The following CCDC63 variants were observed in gnomAD, a reference collection of about 807,000 sequenced individuals.
CCDC63 encodes coiled-coil domain-containing protein 63.
In CCDC63, 54 loss-of-function variants were observed where a neutral mutation model predicts 63.6. That is an observed-to-expected ratio of 0.85 (90% CI 0.68 to 1.07). CCDC63 has a LOEUF of 1.07. Among genes scored for constraint, CCDC63 ranks in the 50% least tolerant of loss-of-function variants. CCDC63 has a pLI of 0.00. For missense variants in CCDC63, 637 were observed against 689.6 expected, an observed-to-expected ratio of 0.92 and a Z score of 0.86; for synonymous variants, 253 against 266.1, an observed-to-expected ratio of 0.95 and a Z score of 0.48.
intron 4 of CCDC63, among the ~76,000 whole-genome samples, chr12:110,870,275 T>C (rs531884105): frequency 2.2e-4 from 34 of 152,188 alleles, no homozygotes; most frequent in South Asian, 8.3e-4. Context: ...AGAGACGGGG[T>C]TTCACCATGT....
chr12:110,863,263 C>CCT (rs2070886793), intron 4 of CCDC63, among the ~76,000 whole-genome samples: 1 of 149,130 alleles, frequency 6.7e-6, no homozygotes, highest in Non-Finnish European at 1.5e-5. Context: ...GTGACACACA[C>CCT]GTGTGTGTGT....
chr12:110,863,275 T>G (rs1350678734), intron 4 of CCDC63, among the ~76,000 whole-genome samples: 1 of 151,596 alleles, frequency 6.6e-6, no homozygotes. Flanking sequence ...TGTGTGTGTG[T>G]GTGTGTGTGT....
intron 11 of CCDC63, among the ~76,000 whole-genome samples, chr12:110,905,985 ATAT>A (rs1188680052): frequency 1.9e-5 from 1 of 51,352 alleles, no homozygotes; most frequent in South Asian, 4.9e-4. Flanking sequence ...AATATATATT[ATAT>A]TATTATAATA....
chr12:110,892,724 G>A (rs2136724335), intron 8 of CCDC63, among the ~76,000 whole-genome samples: 1 of 152,146 alleles, frequency 6.6e-6, no homozygotes, highest in Non-Finnish European at 1.5e-5. Flanking sequence ...GCTGGGGCAG[G>A]AGAATCGCTT....
intron 5 of CCDC63, among the ~76,000 whole-genome samples, chr12:110,879,506 A>AT (rs1008571045): frequency 9.9e-5 from 15 of 151,442 alleles, no homozygotes; most frequent in Admixed American, 5.9e-4. Flanking sequence ...GCCCCACCCA[A>AT]TTTTTTTTTC....
chr12:110,881,155 CAGA>C lies in CCDC63; in HGVS notation c.718_720del (p.Lys240del), dbSNP rs765665439. 3.7e-6 allele frequency: 6 copies of C among 1,612,372 alleles called. No homozygotes were observed. Among genetic ancestry groups the C allele is most frequent in the Non-Finnish European group, 5.1e-6 (6 of 1,179,684 alleles). On this transcript the variant is annotated inframe_deletion, in exon 7 of 12. Coordinates refer to ENST00000308208, the MANE Select transcript of CCDC63 (RefSeq NM_152591.3). ...TCGAATGGCTGCCATGAAAGACCGC[CAGA>C]AGAAGGACACCTCTCAGTACAACCT...
intron 10 of CCDC63, among the ~76,000 whole-genome samples, chr12:110,900,047 C>G (rs1190886916): frequency 6.6e-6 from 1 of 151,960 alleles, no homozygotes; most frequent in Non-Finnish European, 1.5e-5. Flanking sequence ...AACCCTGTCT[C>G]TACTAAAAAT....
At chr12:110,853,002 T>C in intron 2 of CCDC63, 39 bp downstream of exon 2, 1 of 1,606,020 alleles carries the variant, frequency 6.2e-7, no homozygotes, top group Non-Finnish European at 8.5e-7. Context: ...GCACCTACTA[T>C]GGGGTCAGGC....
chr12:110,890,450 T>G (rs184853225), intron 8 of CCDC63, among the ~76,000 whole-genome samples: 5 of 152,330 alleles, frequency 3.3e-5, no homozygotes, highest in African/African-American at 1.2e-4. Flanking sequence ...TATTTGTTCT[T>G]TGTAGAATTT....
intron 4 of CCDC63, among the ~76,000 whole-genome samples, chr12:110,869,824 G>C (rs1472580723): frequency 6.6e-6 from 1 of 152,170 alleles, no homozygotes; most frequent in Non-Finnish European, 1.5e-5. Context: ...GGTGTGTCAG[G>C]AATGCTTTTG....
At chr12:110,885,339 C>T (rs2071265868) in intron 8 of CCDC63, among the ~76,000 whole-genome samples, 1 of 152,118 alleles carries the variant, frequency 6.6e-6, no homozygotes, top group African/African-American at 2.4e-5. Context: ...CCTGACAAGT[C>T]CTGCAGTAAA....
chr12:110,906,985 C>T (rs2071596846), intron 11 of CCDC63, among the ~76,000 whole-genome samples: 1 of 152,200 alleles, frequency 6.6e-6, no homozygotes, highest in Non-Finnish European at 1.5e-5. Context: ...AAAGTTGCCC[C>T]TTCTGGGTAG....
intron 3 of CCDC63, among the ~76,000 whole-genome samples, chr12:110,856,292 G>A (rs1217923387): frequency 6.6e-6 from 1 of 151,784 alleles, no homozygotes; most frequent in African/African-American, 2.4e-5. Flanking sequence ...CGACATGTTG[G>A]CCAGGCTGGT....
chr12:110,903,708 T>C (rs372272751), intron 10 of CCDC63, among the ~76,000 whole-genome samples: 1 of 152,204 alleles, frequency 6.6e-6, no homozygotes, highest in Non-Finnish European at 1.5e-5. Flanking sequence ...GTCCCCTGAA[T>C]GAGGCAGGCC....
rs1365876612 is a variant in CCDC63, at chr12:110,904,926, C to T, written c.1546+135C>T. ...TTCCTCTCTTTATGAGCTCTTGTGG[C>T]CTGCCAGTTCCCTTGGGTGCCATCT... On this transcript the variant is annotated intron_variant, in intron 11 of 11. Transcript: ENST00000308208. 4.0e-5 allele frequency: 24 copies of T among 596,574 alleles called. 1 individual carries two copies. The highest frequency in any genetic ancestry group is 1.1e-4 in the Admixed American group (3 of 27,222). 37.0% of individuals were successfully genotyped at this position (596,574 alleles called of 1,614,324 possible).
At chr12:110,878,200 A>G (rs531801137) in intron 5 of CCDC63, among the ~76,000 whole-genome samples, 1 of 152,254 alleles carries the variant, frequency 6.6e-6, no homozygotes, top group East Asian at 1.9e-4. Flanking sequence ...ATGTATCCAC[A>G]TATACATACA....
At chr12:110,867,896 G>C (rs1262138346) in intron 4 of CCDC63, among the ~76,000 whole-genome samples, 1 of 151,230 alleles carries the variant, frequency 6.6e-6, no homozygotes, top group South Asian at 2.1e-4. Flanking sequence ...CTTCCCAGAT[G>C]GGGTGGCTGC....
chr12:110,886,307 A>AG (rs2071277744), intron 8 of CCDC63, among the ~76,000 whole-genome samples: 1 of 152,050 alleles, frequency 6.6e-6, no homozygotes, highest in African/African-American at 2.4e-5. Flanking sequence ...AATCCTTTGA[A>AG]CCCGGGAGGT....
In CCDC63 at chr12:110,893,357, T is replaced by C. The variant is rs554045137; in HGVS notation, c.1149+207T>C. ...CCGGGCAGCCTCTGCTACAATGTCA[T>C]TGTGGAATTCTGTCCCTTCTTCCAT... On this transcript the variant is annotated intron_variant, in intron 9 of 11. Coordinates refer to ENST00000308208, the MANE Select transcript of CCDC63 (RefSeq NM_152591.3). Among the ~76,000 whole-genome samples, 10 of 152,268 alleles carry C rather than the reference T, an allele frequency of 6.6e-5. No homozygotes were observed. In the South Asian group the frequency reaches 2.1e-3, roughly 32 times the overall value.
Sources: allele counts gnomAD v4.1 joint callset (sites outside exome capture counted in the v4.1 genomes callset), GRCh38; gene constraint gnomAD v4.1.1; transcripts MANE v1.5; gene names NCBI Gene and HGNC (gene_info 2026-07-23, HGNC 2026-07-21).